The following SULF2 variants were observed in gnomAD, a reference collection of about 807,000 sequenced individuals.
SULF2 encodes sulfatase 2, also known as extracellular sulfatase Sulf-2.
Under a neutral mutation model 107.7 loss-of-function variants are expected in SULF2, and 52 were observed. That is an observed-to-expected ratio of 0.48 (90% CI 0.39 to 0.61). The LOEUF (loss-of-function observed/expected upper bound fraction) is 0.61. Ranked by LOEUF, SULF2 falls within the 20% of genes least tolerant of loss-of-function variation. The pLI is 0.00. For missense variants in SULF2, 993 were observed against 1,177.3 expected (o/e 0.84, Z 2.29); for synonymous variants, 460 against 464.3 (o/e 0.99, Z 0.12).
At chr20:47,782,534 A>G (rs754904445) in intron 1 of SULF2, among the ~76,000 whole-genome samples, 11 of 152,104 alleles carry the variant, frequency 7.2e-5, no homozygotes, top group Non-Finnish European at 1.3e-4. Context: ...CAGGCCTGAC[A>G]CAGAGCACCC....
intron 3 of SULF2, among the ~76,000 whole-genome samples, chr20:47,708,922 C>T (rs2088833433): frequency 6.6e-6 from 1 of 152,186 alleles, no homozygotes; most frequent in African/African-American, 2.4e-5. Context: ...ACCCCCAACC[C>T]TTAAAAACCC....
At chr20:47,710,474 G>A (rs1212153529) in intron 3 of SULF2, among the ~76,000 whole-genome samples, 1 of 151,784 alleles carries the variant, frequency 6.6e-6, no homozygotes, top group Admixed American at 6.5e-5. Context: ...AATAGGTCAC[G>A]CCACAGAGCC....
intron 4 of SULF2, 86 bp downstream of exon 4, chr20:47,702,433 C>T: frequency 6.7e-7 from 1 of 1,496,456 alleles, no homozygotes; most frequent in Non-Finnish European, 9.0e-7. Context: ...GAGTCACAAT[C>T]TGAACCCAAG....
At chr20:47,743,874 C>T (rs2089947068) in intron 2 of SULF2, among the ~76,000 whole-genome samples, 1 of 152,190 alleles carries the variant, frequency 6.6e-6, no homozygotes, top group South Asian at 2.1e-4. Flanking sequence ...ACCTTTGCAC[C>T]TGCCACTCCT....
intron 1 of SULF2, among the ~76,000 whole-genome samples, chr20:47,766,254 G>A (rs1260787523): frequency 6.6e-6 from 1 of 152,138 alleles, no homozygotes; most frequent in African/African-American, 2.4e-5. Context: ...CTCCTCTTTG[G>A]GGCCGTCAAA....
At chr20:47,762,280 G>GAGTGCTA (rs1413223682) in intron 1 of SULF2, among the ~76,000 whole-genome samples, 4 of 152,192 alleles carry the variant, frequency 2.6e-5, no homozygotes, top group Non-Finnish European at 5.9e-5. Context: ...GACAGACGTG[G>GAGTGCTA]AGTGCTAATA....
intron 4 of SULF2, among the ~76,000 whole-genome samples, chr20:47,692,104 TTTC>T (rs1204062636): frequency 2.0e-5 from 3 of 152,238 alleles, no homozygotes; most frequent in African/African-American, 7.2e-5. Flanking sequence ...GCTGCTAATC[TTTC>T]TTCAAGGTAA....
At chr20:47,773,995 T>G (rs1425454629) in intron 1 of SULF2, among the ~76,000 whole-genome samples, 2 of 152,244 alleles carry the variant, frequency 1.3e-5, no homozygotes, top group African/African-American at 2.4e-5. Flanking sequence ...CAGGCGAGCG[T>G]GCCGTCCTCA....
chr20:47,738,299 C>T (rs1044407903), intron 2 of SULF2, among the ~76,000 whole-genome samples: 1 of 152,160 alleles, frequency 6.6e-6, no homozygotes, highest in South Asian at 2.1e-4. Context: ...GGTACCCAGA[C>T]CCTTAGTGAT....
chr20:47,760,097 C>T (rs1275596253), intron 1 of SULF2, among the ~76,000 whole-genome samples: 1 of 152,208 alleles, frequency 6.6e-6, no homozygotes, highest in Non-Finnish European at 1.5e-5. Context: ...CAGAGGCGTC[C>T]ATCACTGATG....
At chr20:47,751,663 G>A (rs780698311) in intron 2 of SULF2, among the ~76,000 whole-genome samples, 54 of 152,240 alleles carry the variant, frequency 3.5e-4, no homozygotes, top group East Asian at 2.5e-3. Context: ...AGATCCAGCC[G>A]CACCTGAAGC....
At chr20:47,690,414 G>T (rs1602654535) in intron 4 of SULF2, 119 bp from the exon 5 acceptor site, 2 of 727,708 alleles carry the variant, frequency 2.7e-6, no homozygotes, top group Non-Finnish European at 3.9e-6. Context: ...AACAATTTCT[G>T]CCCTTCTGGA....
chr20:47,778,834 G>C (rs1430263581), intron 1 of SULF2, among the ~76,000 whole-genome samples: 1 of 152,180 alleles, frequency 6.6e-6, no homozygotes, highest in Non-Finnish European at 1.5e-5. Context: ...GGCACTAGGG[G>C]GAGGCTGGGG....
chr20:47,734,234 G>A (rs1424243490), intron 3 of SULF2, among the ~76,000 whole-genome samples: 3 of 152,094 alleles, frequency 2.0e-5, no homozygotes, highest in Admixed American at 6.6e-5. Flanking sequence ...TGACATCCCC[G>A]GTCTCTCTCA....
intron 1 of SULF2, among the ~76,000 whole-genome samples, chr20:47,770,088 T>G (rs1600685179): frequency 8.2e-6 from 1 of 121,266 alleles, no homozygotes. Context: ...TGAGACAGAG[T>G]CCTGCTCTGT....
At chr20:47,709,098 T>C (rs1364867997) in intron 3 of SULF2, among the ~76,000 whole-genome samples, 1 of 152,150 alleles carries the variant, frequency 6.6e-6, no homozygotes, top group African/African-American at 2.4e-5. Flanking sequence ...CAAATTAGCA[T>C]GGGCCCCGGG....
At chr20:47,708,449 A>AG (rs1210206181) in intron 3 of SULF2, among the ~76,000 whole-genome samples, 1 of 152,188 alleles carries the variant, frequency 6.6e-6, no homozygotes, top group African/African-American at 2.4e-5. Flanking sequence ...GAGGAGTGGC[A>AG]GGGTTCGTAC....
intron 1 of SULF2, among the ~76,000 whole-genome samples, chr20:47,780,873 T>C (rs2090820220): frequency 6.6e-6 from 1 of 152,172 alleles, no homozygotes; most frequent in Admixed American, 6.5e-5. Flanking sequence ...TTCCCCGCCT[T>C]CTGACAGCCC....
chr20:47,772,123 A>AATTC (rs1190034708), intron 1 of SULF2, among the ~76,000 whole-genome samples: 2 of 152,242 alleles, frequency 1.3e-5, no homozygotes, highest in Non-Finnish European at 2.9e-5. Flanking sequence ...TCTGGGCCTA[A>AATTC]ATTCATTCAT....
Sources: gnomAD v4.1 joint callset for allele counts (sites outside exome capture counted in the v4.1 genomes callset) on GRCh38, gnomAD v4.1.1 for gene constraint, MANE v1.5 for transcripts, NCBI Gene and HGNC (gene_info 2026-07-23, HGNC 2026-07-21) for gene names.